Variants in NBEA observed in about 807,000 individuals in gnomAD.
NBEA encodes neurobeachin.
In NBEA, 44 loss-of-function variants were observed where a neutral mutation model predicts 343.4. The ratio of observed to expected loss-of-function variants is 0.13; its 90% CI spans 0.10 to 0.16. NBEA has a LOEUF of 0.16. Ranked by LOEUF, NBEA falls within the 10% of genes least tolerant of loss-of-function variation. The pLI, the probability that NBEA is intolerant of heterozygous loss-of-function variation, is 1.00. For synonymous variants in NBEA, 1,175 were observed against 1,238.7 expected (o/e 0.95, Z 1.08); for missense variants, 2,555 against 3,631.3 (o/e 0.70, Z 7.62).
intron 41 of NBEA, among the ~76,000 whole-genome samples, chr13:35,521,559 G>T (rs1176108283): frequency 1.3e-5 from 2 of 152,204 alleles, no homozygotes; most frequent in African/African-American, 4.8e-5. Flanking sequence ...GGGCCACGTG[G>T]TTCTTTGTCT....
intron 36 of NBEA, 103 bp downstream of exon 36, chr13:35,309,695 C>CT: frequency 1.6e-6 from 1 of 607,524 alleles, no homozygotes; most frequent in Non-Finnish European, 2.8e-6. Flanking sequence ...AAGAAAATGT[C>CT]TTTTAGTTAA....
At chr13:35,118,127 A>T (rs1026661923) in intron 14 of NBEA, 101 bp from the exon 15 acceptor site, 2 of 749,858 alleles carry the variant, frequency 2.7e-6, no homozygotes, top group African/African-American at 3.5e-5. Context: ...CACTACATTA[A>T]ACTAACTCTT....
At chr13:35,060,587 T>C (rs1231547754) in intron 8 of NBEA, among the ~76,000 whole-genome samples, 1 of 151,826 alleles carries the variant, frequency 6.6e-6, no homozygotes, top group African/African-American at 2.4e-5. Context: ...CTCAGCTCAC[T>C]GCACCCCTTG....
intron 1 of NBEA, among the ~76,000 whole-genome samples, chr13:34,946,281 T>A (rs2059180646): frequency 6.6e-6 from 1 of 152,112 alleles, no homozygotes; most frequent in African/African-American, 2.4e-5. Context: ...TTGTTGATTG[T>A]TTTCAGTTGT....
intron 35 of NBEA, 46 bp from the exon 36 acceptor site, chr13:35,309,482 A>C (rs1383421239): frequency 1.8e-6 from 2 of 1,096,660 alleles, no homozygotes; most frequent in East Asian, 2.5e-5. Flanking sequence ...AGTTACTTTC[A>C]TTAAGTGTTC....
chr13:35,354,427 C>G (rs188478021), intron 38 of NBEA, among the ~76,000 whole-genome samples: 105 of 152,236 alleles, frequency 6.9e-4, no homozygotes, highest in African/African-American at 2.5e-3. Flanking sequence ...TAGAATACAG[C>G]TAAAGGACAG....
chr13:35,163,732 A>AT (rs2069763808), intron 23 of NBEA, among the ~76,000 whole-genome samples: 2 of 151,794 alleles, frequency 1.3e-5, no homozygotes, highest in African/African-American at 4.8e-5. Flanking sequence ...TTACTTTGAG[A>AT]TTTTTTCCTT....
intron 39 of NBEA, among the ~76,000 whole-genome samples, chr13:35,436,482 G>A (rs1566131210): frequency 2.6e-5 from 4 of 152,056 alleles, no homozygotes; most frequent in Admixed American, 6.6e-5. Flanking sequence ...AGGCTGAGGC[G>A]GGTGGATCAC....
chr13:35,405,149 G>A (rs965041902), intron 38 of NBEA, among the ~76,000 whole-genome samples: 2 of 152,136 alleles, frequency 1.3e-5, no homozygotes, highest in Non-Finnish European at 2.9e-5. Flanking sequence ...AAAACATATT[G>A]TTGTAGAAAT....
intron 10 of NBEA, among the ~76,000 whole-genome samples, chr13:35,076,591 T>G (rs1438099697): frequency 1.3e-5 from 2 of 152,044 alleles, no homozygotes; most frequent in African/African-American, 2.4e-5. Flanking sequence ...TTCTTTGTCT[T>G]GTTACAAGGT....
chr13:35,236,896 C>T (rs2075265825), intron 34 of NBEA, among the ~76,000 whole-genome samples: 2 of 151,896 alleles, frequency 1.3e-5, no homozygotes, highest in South Asian at 4.1e-4. Context: ...TTATTTTACA[C>T]TTATTGAAAT....
intron 38 of NBEA, among the ~76,000 whole-genome samples, chr13:35,354,901 T>G (rs1394680986): frequency 2.0e-5 from 3 of 152,160 alleles, no homozygotes; most frequent in Non-Finnish European, 2.9e-5. Context: ...TCTAATTGAT[T>G]AGCTGATAGT....
chr13:35,302,109 A>G (rs2036593836), intron 35 of NBEA, among the ~76,000 whole-genome samples: 1 of 152,114 alleles, frequency 6.6e-6, no homozygotes, highest in Non-Finnish European at 1.5e-5. Context: ...CAGAATCACA[A>G]ATGTTCTATG....
intron 30 of NBEA, among the ~76,000 whole-genome samples, chr13:35,193,457 C>T (rs542156466): frequency 1.1e-4 from 16 of 151,956 alleles, no homozygotes; most frequent in Non-Finnish European, 2.1e-4. Context: ...TCATTTTCTT[C>T]CTTTCTCAGT....
Position 35,050,067 on chromosome 13 carries a change from G to A in NBEA, c.846-202G>A, listed in dbSNP as rs576871943. Among the ~76,000 whole-genome samples the A allele has an allele frequency of 1.6e-4, 24 of 151,810 alleles. No homozygotes were observed. The South Asian group carries it at 3.3e-3, about 21-fold the overall frequency. On this transcript the variant is annotated intron_variant, in intron 5 of 58. Coordinates refer to ENST00000379939, the MANE Select transcript of NBEA (RefSeq NM_001385012.1). ...GATTGAAATACTAAAAGCTGTCATA[G>A]TCTTTTATTTCCTAGTTTAAATTTC...
intron 34 of NBEA, among the ~76,000 whole-genome samples, chr13:35,249,558 C>CA (rs1294030975): frequency 2.0e-5 from 3 of 151,924 alleles, no homozygotes; most frequent in South Asian, 2.1e-4. Flanking sequence ...TGGCTGCTAT[C>CA]AAAAAAACAG....
rs1193695681 is a variant in NBEA, at chr13:34,942,852, G to A, written c.32G>A (p.Gly11Glu). The A allele has an allele frequency of 2.9e-6, 4 of 1,370,140 alleles. No individual in the cohort carries two copies. Among genetic ancestry groups the A allele is most frequent in the Admixed American group, 3.5e-5 (1 of 28,550 alleles). 84.9% of individuals were successfully genotyped at this position (1,370,140 alleles called of 1,614,324 possible). MASEKPGPGP[G>E]LEPQPVGLIA... ...AGCGAGAAGCCGGGCCCGGGCCCGG[G>A]GCTCGAGCCTCAGCCCGTGGGGCTC... is the stretch of plus-strand genomic sequence containing the variant. Residue 11 changes from glycine to glutamate, a missense_variant, in exon 1 of 59, where the codon GGG (glycine) becomes GAG (glutamate). Physicochemically the swap from Gly to Glu is moderately conservative, Grantham distance 98. This residue lies in a region of NBEA where 122 missense variants were observed against 91.0 expected (regional missense o/e 1.34). Coordinates refer to ENST00000379939, the MANE Select transcript of NBEA (RefSeq NM_001385012.1).
chr13:35,593,122 C>T (rs1308866011), intron 46 of NBEA: 1 of 426,174 alleles, frequency 2.3e-6, no homozygotes, highest in Non-Finnish European at 4.2e-6. Context: ...GCAAAATGAC[C>T]TGCCAGAGTT....
chr13:35,125,462 C>A (rs1334034464), intron 17 of NBEA, among the ~76,000 whole-genome samples: 1 of 152,060 alleles, frequency 6.6e-6, no homozygotes, highest in East Asian at 1.9e-4. Context: ...TTATTTGAAT[C>A]AGATTGGTTT....
Sources: gnomAD v4.1 joint callset for allele counts (sites outside exome capture counted in the v4.1 genomes callset) on GRCh38, gnomAD v4.1.1 for gene constraint, gnomAD v4.1.1 regional missense constraint, MANE v1.5 for transcripts, NCBI Gene and HGNC (gene_info 2026-07-23, HGNC 2026-07-21) for gene names.